Variants in GDF6 observed in about 807,000 individuals in gnomAD.
The protein encoded by GDF6 is growth/differentiation factor 6.
A neutral mutation model predicts 32.4 loss-of-function variants in GDF6; 3 were observed. The ratio of observed to expected loss-of-function variants is 0.09; its 90% CI spans 0.04 to 0.24. The LOEUF is 0.24. Among genes scored for constraint, GDF6 ranks in the 10% least tolerant of loss-of-function variants. The pLI is 1.00. For synonymous variants in GDF6, 296 were observed against 295.3 expected (o/e 1.00, Z -0.03); for missense variants, 589 against 637.9 (o/e 0.92, Z 0.83).
At position 96,145,634 on chromosome 8, in the gene GDF6, G is replaced by A. The variant is rs1812466382; in HGVS notation, c.407-110C>T. 6.6e-6 allele frequency: 9 copies of A among 1,364,582 alleles called. No individual in the cohort carries two copies. Among genetic ancestry groups the A allele is most frequent in the Non-Finnish European group, 9.2e-6 (9 of 983,014 alleles). 84.5% of individuals were successfully genotyped at this position (1,364,582 alleles called of 1,614,324 possible). ...GCGGGGAGTGGGGGCAGGTCGGCCG[G>A]GCAGTCCAGCTTGCCCGGCCCAGGG... On this transcript the variant is annotated intron_variant, in intron 1 of 1. Coordinates refer to ENST00000287020, the MANE Select transcript of GDF6 (RefSeq NM_001001557.4). This position sits in a 1 kb window ranked among gnomAD's most constrained non-coding sequence, Gnocchi z 5.6.
chr8:96,145,529 G>C lies in GDF6; in HGVS notation c.407-5C>G. The C allele has an allele frequency of 2.5e-6, 4 of 1,597,782 alleles. No homozygotes were observed. The highest frequency in any genetic ancestry group is 3.4e-6 in the Non-Finnish European group (4 of 1,179,608). On this transcript the variant is annotated splice_region_variant and splice_polypyrimidine_tract_variant and intron_variant, in intron 1 of 1. Transcript: ENST00000287020. This position sits in a 1 kb window ranked among gnomAD's most constrained non-coding sequence, Gnocchi z 5.6. ...GAGGAGTGTGCGAGAGATCGTCTGC[G>C]AGATAAAAAATAATTACAGTCAGTT...
At chr8:96,147,227 G>T (rs2130212538) in intron 1 of GDF6, among the ~76,000 whole-genome samples, 1 of 152,306 alleles carries the variant, frequency 6.6e-6, no homozygotes, top group Admixed American at 6.5e-5. Context: ...TTACGCACAT[G>T]CCCCAACCTG....
intron 1 of GDF6, among the ~76,000 whole-genome samples, chr8:96,149,486 C>T (rs578144806): frequency 6.6e-6 from 1 of 152,068 alleles, no homozygotes; most frequent in Admixed American, 6.5e-5. Context: ...AGGAACAAAC[C>T]GTGGCATGTT....
In GDF6 at chr8:96,160,432, G is replaced by A. The variant is rs930635526; in HGVS notation, c.261C>T (p.Gly87=). The A allele has an allele frequency of 6.2e-7, 1 of 1,613,876 alleles. No homozygotes were observed. Among genetic ancestry groups the A allele is most frequent in the Non-Finnish European group, 8.5e-7 (1 of 1,179,922 alleles). The change falls in exon 1 of 2, where the codon GGC becomes GGT. Residue 87 remains glycine (G), a synonymous_variant. Coordinates refer to ENST00000287020, the MANE Select transcript of GDF6 (RefSeq NM_001001557.4). ...AQQPRAQEPP[G]RGPRVVPHEY... is the part of the protein sequence containing the mutation. The stretch of plus-strand genomic sequence containing the variant: ...CGTGGGGCACCACGCGCGGACCCCT[G>A]CCTGGCGGCTCCTGCGCCCGGGGCT...
Position 96,149,859 on chromosome 8 carries a change from C to T in GDF6, c.407-4335G>A, listed in dbSNP as rs549801805. Among the ~76,000 whole-genome samples, 320 of 151,110 alleles carry T rather than the reference C, an allele frequency of 2.1e-3. 1 individual carries two copies. The highest frequency in any genetic ancestry group is 3.5e-3 in the South Asian group (17 of 4,816). On this transcript the variant is annotated intron_variant, in intron 1 of 1. Coordinates refer to ENST00000287020, the MANE Select transcript of GDF6 (RefSeq NM_001001557.4). The stretch of plus-strand genomic sequence containing the variant: ...CCCGCAACGCCAAAGGCCAGACGCC[C>T]GGGGAACCTGAGCCCCAAGAGGGCG...
chr8:96,150,842 T>C (rs115947473), intron 1 of GDF6, among the ~76,000 whole-genome samples: 1,658 of 152,240 alleles, frequency 0.011, 24 homozygotes, highest in African/African-American at 0.036. Context: ...TCCCCCAGGA[T>C]TTTTTTTCTT....
intron 1 of GDF6, among the ~76,000 whole-genome samples, chr8:96,157,353 C>T (rs1381229763): frequency 6.6e-6 from 1 of 152,296 alleles, no homozygotes; most frequent in East Asian, 1.9e-4. Context: ...CCTGTTCTCC[C>T]ACTCTCAACC....
At chr8:96,146,681 TACAC>T (rs370283680) in intron 1 of GDF6, among the ~76,000 whole-genome samples, 5,134 of 146,184 alleles carry the variant, frequency 0.035, 114 homozygotes, top group African/African-American at 0.055. Context: ...GACAATTAGA[TACAC>T]ACACACACAC....
At chr8:96,149,267 T>C (rs1162992582) in intron 1 of GDF6, among the ~76,000 whole-genome samples, 1 of 152,232 alleles carries the variant, frequency 6.6e-6, no homozygotes, top group Admixed American at 6.5e-5. Flanking sequence ...TAAATTGAAA[T>C]TGACCAGAAA....
At chr8:96,149,171 C>G (rs1807814779) in intron 1 of GDF6, among the ~76,000 whole-genome samples, 1 of 152,232 alleles carries the variant, frequency 6.6e-6, no homozygotes, top group Non-Finnish European at 1.5e-5. Context: ...TCTCCCACCC[C>G]TTTGACTAAA....
chr8:96,155,575 C>T lies in GDF6; in HGVS notation c.406+4712G>A, dbSNP rs920323532. Among the ~76,000 whole-genome samples, 31 of 152,218 alleles carry T rather than the reference C, an allele frequency of 2.0e-4. 1 individual carries two copies. The highest frequency in any genetic ancestry group is 1.9e-3 in the Admixed American group (29 of 15,288). ...GACAGTGGCACAAACCCCGTGCCCGCGCTCATGCAGGCGCACCCTCATACG... is the reference window on the plus strand; with the variant it reads ...GACAGTGGCACAAACCCCGTGCCCGTGCTCATGCAGGCGCACCCTCATACG... On this transcript the variant is annotated intron_variant, in intron 1 of 1. Transcript: ENST00000287020.
chr8:96,147,476 G>A (rs1391568752), intron 1 of GDF6, among the ~76,000 whole-genome samples: 4 of 152,218 alleles, frequency 2.6e-5, no homozygotes, highest in Non-Finnish European at 2.9e-5. Context: ...GGGATGAGAT[G>A]AGAGCAACAA....
In GDF6 at chr8:96,144,727, T is replaced by G. The variant is rs1404630168; in HGVS notation, c.1204A>C (p.Ile402Leu). The change falls in exon 2 of 2, where the codon ATC (isoleucine) becomes CTC (leucine). Residue 402 changes from isoleucine (I) to leucine (L), a missense_variant. Around this residue, in one of 2 missense-constraint regions of GDF6, gnomAD observed 153 missense variants for 226.7 expected, o/e 0.67. Transcript: ENST00000287020. The surrounding 1 kb of genome is among the most constrained non-coding windows in gnomAD (Gnocchi z 5.1). ...RSHLEPTNHAIIQTLMNSMDP... is the reference protein window; with the variant it reads ...RSHLEPTNHALIQTLMNSMDP... ...ATGGAGTTCATCAGCGTCTGGATGATGGCGTGGTTGGTGGGCTCCAGGTGC... is the reference window on the plus strand; with the variant it reads ...ATGGAGTTCATCAGCGTCTGGATGAGGGCGTGGTTGGTGGGCTCCAGGTGC... 6.2e-7 allele frequency: 1 copy of G among 1,614,178 alleles called. No homozygotes were observed. Among genetic ancestry groups the G allele is most frequent in the African/African-American group, 1.3e-5 (1 of 75,058 alleles).
chr8:96,149,895 G>T (rs1371181878), intron 1 of GDF6, among the ~76,000 whole-genome samples: 1 of 152,164 alleles, frequency 6.6e-6, no homozygotes, highest in African/African-American at 2.4e-5. Context: ...GCATGAGGGA[G>T]GGACACGTAG....
At chr8:96,157,346 G>A (rs986126525) in intron 1 of GDF6, among the ~76,000 whole-genome samples, 2 of 152,152 alleles carry the variant, frequency 1.3e-5, no homozygotes, top group Admixed American at 1.3e-4. Flanking sequence ...GTTTATGCCT[G>A]TTCTCCCACT....
intron 1 of GDF6, among the ~76,000 whole-genome samples, chr8:96,151,585 C>T (rs549738941): frequency 2.8e-4 from 42 of 152,274 alleles, no homozygotes; most frequent in African/African-American, 9.9e-4. Flanking sequence ...CGGCAAGAGT[C>T]ACTCACTTCA....
chr8:96,155,072 A>G (rs1812636688), intron 1 of GDF6, among the ~76,000 whole-genome samples: 1 of 152,136 alleles, frequency 6.6e-6, no homozygotes, highest in Non-Finnish European at 1.5e-5. Flanking sequence ...CTGTGGTCTG[A>G]GTGACTTTTT....
rs370283680 is a variant in GDF6 at position 96,146,681 on chromosome 8, T to TACAC, written c.407-1161_407-1158dup. 2.7e-3 allele frequency among the ~76,000 whole-genome samples: 402 copies of TACAC among 146,280 alleles called. 4 individuals carry two copies. Among genetic ancestry groups the TACAC allele is most frequent in the African/African-American group, 8.3e-3 (324 of 38,812 alleles). ...AAAACCTCAGCCAGGGACAATTAGA[T>TACAC]ACACACACACACACACACACACACA... is the stretch of plus-strand genomic sequence containing the variant. On this transcript the variant is annotated intron_variant, in intron 1 of 1. Transcript: ENST00000287020.
In GDF6 at chr8:96,144,911, A is replaced by G. The variant is rs2130205680; in HGVS notation, c.1020T>C (p.Ser340=). The G allele has an allele frequency of 1.2e-6, 2 of 1,610,718 alleles. No homozygotes were observed. The highest frequency in any genetic ancestry group is 1.7e-5 in the Admixed American group (1 of 59,696). The part of the protein sequence containing the change: ...GRRRRRTAFA[S]RHGKRHGKKS... ...TCTTGCCGTGCCGCTTGCCATGGCGACTGGCGAAGGCCGTGCGCCGCCGCC... is the reference window on the plus strand; with the variant it reads ...TCTTGCCGTGCCGCTTGCCATGGCGGCTGGCGAAGGCCGTGCGCCGCCGCC... The change falls in exon 2 of 2, where the codon AGT becomes AGC. Residue 340 remains serine (S), a synonymous_variant. Transcript: ENST00000287020. The surrounding 1 kb of genome is among the most constrained non-coding windows in gnomAD (Gnocchi z 5.1).
Sources: allele counts gnomAD v4.1 joint callset (sites outside exome capture counted in the v4.1 genomes callset), GRCh38; gene constraint gnomAD v4.1.1; regional missense constraint gnomAD v4.1.1; non-coding constraint Gnocchi (gnomAD v3.1); transcripts MANE v1.5; gene names NCBI Gene and HGNC (gene_info 2026-07-23, HGNC 2026-07-21).